The following SSC5D variants were observed in gnomAD, a reference collection of about 807,000 sequenced individuals.
SSC5D encodes scavenger receptor cysteine rich family member with 5 domains.
Under a neutral mutation model 104.6 loss-of-function variants are expected in SSC5D, and 106 were observed. The observed-to-expected ratio is 1.01, with a 90% CI of 0.87 to 1.19. The LOEUF is 1.19. SSC5D is among the 50% of genes most tolerant of loss of function. SSC5D has a pLI of 0.00. For synonymous variants in SSC5D, 860 were observed against 883.5 expected (o/e 0.97, Z 0.47); for missense variants, 1,993 against 2,153.8 (o/e 0.93, Z 1.48).
chr19:55,509,828 C>A (rs1220145189), intron 12 of SSC5D, among the ~76,000 whole-genome samples: 2 of 75,596 alleles, frequency 2.6e-5, no homozygotes, highest in East Asian at 4.1e-4. Context: ...CATTGCACTG[C>A]AACAAGAGCG....
rs548780304 is a variant in SSC5D, at chr19:55,496,363, A to G, written c.1388-1517A>G. Among the ~76,000 whole-genome samples, 9 of 152,352 alleles carry G rather than the reference A, an allele frequency of 5.9e-5. No individual in the cohort carries two copies. In the South Asian group the frequency reaches 1.9e-3, roughly 32 times the overall value. On this transcript the variant is annotated intron_variant, in intron 8 of 13. Coordinates refer to ENST00000389623, the MANE Select transcript of SSC5D (RefSeq NM_001144950.2). ...CAAGATGTCAAAGCATCAGAAATACAGAAAATAAAAAGGCGTGGTTAACAC... is the reference window on the plus strand; with the variant it reads ...CAAGATGTCAAAGCATCAGAAATACGGAAAATAAAAAGGCGTGGTTAACAC...
At chr19:55,488,743 T>C in intron 1 of SSC5D, 129 bp downstream of exon 1, 1 of 849,480 alleles carries the variant, frequency 1.2e-6, no homozygotes, top group Non-Finnish European at 1.9e-6. Flanking sequence ...CTGACATCCC[T>C]TCTGAGGATC....
intron 12 of SSC5D, among the ~76,000 whole-genome samples, chr19:55,510,866 C>A (rs1016671824): frequency 1.3e-5 from 2 of 151,916 alleles, no homozygotes; most frequent in Non-Finnish European, 2.9e-5. Flanking sequence ...GCAACCTCTC[C>A]TTCATGGGTT....
At chr19:55,494,979 G>C (rs1483049357) in intron 8 of SSC5D, among the ~76,000 whole-genome samples, 196 bp downstream of exon 8, 2 of 151,886 alleles carry the variant, frequency 1.3e-5, no homozygotes, top group Non-Finnish European at 2.9e-5. Context: ...TCTTGAACAA[G>C]GGGTCCTAAC....
intron 12 of SSC5D, chr19:55,504,261 G>C (rs575058544): frequency 1.3e-6 from 2 of 1,515,554 alleles, no homozygotes; most frequent in Non-Finnish European, 1.8e-6. Context: ...GTCCGGCCTC[G>C]GGACCCCTCC....
In SSC5D at chr19:55,503,856, CG is replaced by C. The variant is rs1461827346; in HGVS notation, c.2785+2657del. 2.6e-5 allele frequency among the ~76,000 whole-genome samples: 4 copies of C among 152,108 alleles called. No homozygotes were observed. Among genetic ancestry groups the C allele is most frequent in the South Asian group, 4.1e-4 (2 of 4,828 alleles). ...GGCGCTCAGCACGCATGCGCAGGCG[CG>C]GTGGGCCCGGGAATGGAGGGACGGG... On this transcript the variant is annotated intron_variant, in intron 12 of 13. Transcript: ENST00000389623. This position sits in a 1 kb window ranked among gnomAD's most constrained non-coding sequence, Gnocchi z 4.0.
intron 2 of SSC5D, 78 bp downstream of exon 2, chr19:55,489,110 C>A: frequency 1.0e-6 from 1 of 996,210 alleles, no homozygotes; most frequent in Non-Finnish European, 1.4e-6. Context: ...CCTGGCCTCA[C>A]CCCCACTGGG....
In SSC5D at chr19:55,493,772, T is replaced by C. The variant is rs1411746183; in HGVS notation, c.1073T>C (p.Phe358Ser). The C allele has an allele frequency of 2.0e-6, 3 of 1,531,060 alleles. No homozygotes were observed. Among genetic ancestry groups the C allele is most frequent in the Admixed American group, 4.3e-5 (2 of 47,008 alleles). The allele number at this position is 1,531,060 out of a possible 1,614,324, so 94.8% of individuals were successfully genotyped here. ...GCGCTGGCCGCCCCCGGGGGCGCCTTCTTTGGGGAGGGGTCTGGACCCATC... is the reference window on the plus strand; with the variant it reads ...GCGCTGGCCGCCCCCGGGGGCGCCTCCTTTGGGGAGGGGTCTGGACCCATC... ...GGALAAPGGA[F>S]FGEGSGPIIL... The change falls in exon 7 of 14, where the codon TTC becomes TCC. Residue 358 changes from phenylalanine to serine, a missense_variant. By Grantham distance (155) the Phe-to-Ser change is radical. Around this residue, in one of 6 missense-constraint regions of SSC5D, gnomAD observed 1,101 missense variants for 1,085.0 expected, o/e 1.01. Transcript: ENST00000389623.
At chr19:55,509,989 T>C (rs1209543924) in intron 12 of SSC5D, among the ~76,000 whole-genome samples, 1 of 151,874 alleles carries the variant, frequency 6.6e-6, no homozygotes, top group Non-Finnish European at 1.5e-5. Flanking sequence ...ACGGCTTCAA[T>C]TTGTGTTCTT....
In SSC5D at chr19:55,500,739, G is replaced by A; in HGVS notation, c.2552G>A (p.Cys851Tyr). 6.4e-7 allele frequency: 1 copy of A among 1,551,698 alleles called. No individual in the cohort carries two copies. Among genetic ancestry groups the A allele is most frequent in the Non-Finnish European group, 8.7e-7 (1 of 1,147,002 alleles). ...CKGSEASLSD[C>Y]PSGAWGKHNC... is the part of the protein sequence containing the mutation. ...GGAAGCGAGGCCTCACTGAGCGACT[G>A]CCCCTCGGGGGCTTGGGGGAAGCAC... The change falls in exon 11 of 14, where the codon TGC (cysteine) becomes TAC (tyrosine). Residue 851 changes from cysteine to tyrosine, a missense_variant. Physicochemically the swap from Cys to Tyr is radical, Grantham distance 194 (BLOSUM62 -2). Around this residue, in one of 6 missense-constraint regions of SSC5D, gnomAD observed 423 missense variants for 409.2 expected, o/e 1.03. Transcript: ENST00000389623. The surrounding 1 kb of genome is among the most constrained non-coding windows in gnomAD (Gnocchi z 4.6).
chr19:55,498,137 G>A lies in SSC5D; in HGVS notation c.1645G>A (p.Ala549Thr), dbSNP rs1033275721. The A allele has an allele frequency of 3.0e-5, 46 of 1,551,672 alleles. No individual in the cohort carries two copies. In the African/African-American group the frequency reaches 4.4e-4, roughly 15 times the overall value. ...GTEASLSDCP[A>T]APWGKHNCAH... is the part of the protein sequence containing the mutation. Reference sequence around the variant, plus strand: ...CGAGGCTTCACTGTCCGACTGCCCTGCTGCTCCCTGGGGAAAGCACAACTG... The same window carrying A: ...CGAGGCTTCACTGTCCGACTGCCCTACTGCTCCCTGGGGAAAGCACAACTG... Residue 549 changes from alanine to threonine, a missense_variant, in exon 9 of 14, where the codon GCT becomes ACT. This residue lies in a region of SSC5D where 1,101 missense variants were observed against 1,085.0 expected (regional missense o/e 1.01). Transcript: ENST00000389623.
intron 12 of SSC5D, among the ~76,000 whole-genome samples, chr19:55,508,890 G>T (rs1356685082): frequency 3.7e-5 from 3 of 82,176 alleles, no homozygotes; most frequent in Admixed American, 1.2e-4. Context: ...ACAGGGGATG[G>T]GGGGAGGCCT....
At chr19:55,491,949 A>C (rs1197051504) in intron 6 of SSC5D, 1 of 152,340 alleles carries the variant, frequency 6.6e-6, no homozygotes, top group Non-Finnish European at 1.5e-5. Flanking sequence ...GGGACAGTAC[A>C]CGGGCTGCAG....
chr19:55,505,809 T>C (rs893053582), intron 12 of SSC5D, among the ~76,000 whole-genome samples: 1 of 151,838 alleles, frequency 6.6e-6, no homozygotes, highest in Admixed American at 6.5e-5. Context: ...TGATCTCGGC[T>C]CACTGCAGCC....
In SSC5D at chr19:55,493,695, C is replaced by G. The variant is rs533123992; in HGVS notation, c.996C>G (p.Ala332=). The G allele has an allele frequency of 1.1e-4, 161 of 1,513,340 alleles. No homozygotes were observed. The highest frequency in any genetic ancestry group is 1.9e-4 in the Middle Eastern group (1 of 5,332). The allele number at this position is 1,513,340 out of a possible 1,614,324, so 93.7% of individuals were successfully genotyped here. ...GCTGGGGGTCGGTGTGTGACGACGC[C>G]TGGGACCTGCGAGACGCCGCTGTGG... is the stretch of plus-strand genomic sequence containing the variant. ...GGRWGSVCDD[A]WDLRDAAVAC... Residue 332 remains alanine (A), a synonymous_variant, in exon 7 of 14, where the codon GCC becomes GCG. Transcript: ENST00000389623.
At position 55,500,743 on chromosome 19, in the gene SSC5D, CT is replaced by C. The variant is rs763632667; in HGVS notation, c.2557del (p.Ser853ArgfsTer70). 8 of 1,551,640 alleles carry C rather than the reference CT, an allele frequency of 5.2e-6. No homozygotes were observed. Among genetic ancestry groups the C allele is most frequent in the Non-Finnish European group, 7.0e-6 (8 of 1,146,996 alleles). On this transcript the variant is annotated frameshift_variant, in exon 11 of 14. Transcript: ENST00000389623. LOFTEE classifies it high-confidence loss of function. This position sits in a 1 kb window ranked among gnomAD's most constrained non-coding sequence, Gnocchi z 4.6. ...GCGAGGCCTCACTGAGCGACTGCCCCTCGGGGGCTTGGGGGAAGCACAACTG... is the reference window on the plus strand; with the variant it reads ...GCGAGGCCTCACTGAGCGACTGCCCCCGGGGGCTTGGGGGAAGCACAACTG... ...GSEASLSDCPSGAWGKHNCDH... is the reference protein window; with the variant it reads ...GSEASLSDCPXGAWGKHNCDH...
chr19:55,495,655 AGAG>A (rs1217241120), intron 8 of SSC5D, among the ~76,000 whole-genome samples: 8 of 152,106 alleles, frequency 5.3e-5, no homozygotes, highest in African/African-American at 1.9e-4. Context: ...ACGGTTCTCA[AGAG>A]GATGGCGTGC....
In SSC5D at chr19:55,518,466, C is replaced by T. The variant is rs771890306; in HGVS notation, c.4190C>T (p.Ser1397Phe). Residue 1397 changes from serine to phenylalanine, a missense_variant, in exon 14 of 14, where the codon TCC becomes TTC. Physicochemically the swap from Ser to Phe is radical, Grantham distance 155 (BLOSUM62 -2). Around this residue, in one of 6 missense-constraint regions of SSC5D, gnomAD observed 349 missense variants for 397.6 expected, o/e 0.88. Transcript: ENST00000389623. ...TTGGAGTCCAGCCCCTCCAGGTCCT[C>T]CACAGCCACAAGCATGGACCCACTG... ...PALESSPSRS[S>F]TATSMDPLST... 6.4e-7 allele frequency: 1 copy of T among 1,551,402 alleles called. No homozygotes were observed. Among genetic ancestry groups the T allele is most frequent in the South Asian group, 1.2e-5 (1 of 84,046 alleles).
At chr19:55,497,346 A>C (rs2123439203) in intron 8 of SSC5D, among the ~76,000 whole-genome samples, 1 of 152,360 alleles carries the variant, frequency 6.6e-6, no homozygotes, top group African/African-American at 2.4e-5. Context: ...AAAGAAGAAA[A>C]AAACCCTTAT....
Sources: allele counts gnomAD v4.1 joint callset (sites outside exome capture counted in the v4.1 genomes callset), GRCh38; gene constraint gnomAD v4.1.1; regional missense constraint gnomAD v4.1.1; non-coding constraint Gnocchi (gnomAD v3.1); transcripts MANE v1.5; gene names NCBI Gene and HGNC (gene_info 2026-07-23, HGNC 2026-07-21).